SNX10: variants seen among roughly 807,000 people sequenced by gnomAD.
SNX10 encodes sorting nexin 10.
SNX10 carries 25 observed loss-of-function variants against 28.5 expected under a neutral mutation model. The observed-to-expected ratio is 0.88, with a 90% CI of 0.64 to 1.22. SNX10 has a LOEUF of 1.22. SNX10 is among the 50% of genes most tolerant of loss of function. The pLI is 0.00. For synonymous variants in SNX10, 62 were observed against 81.4 expected, an observed-to-expected ratio of 0.76 and a Z score of 1.28; for missense variants, 223 against 242.6, an observed-to-expected ratio of 0.92 and a Z score of 0.54.
At position 26,324,690 on chromosome 7, in the gene SNX10, A is replaced by G. The variant is rs946860004; in HGVS notation, c.-23-21730A>G. Reference sequence around the variant, plus strand: ...TCATAGCACTTCCAAGCACCGTTCAAATGACTGAGTGGGGAATGAAGGTGC... The same window carrying G: ...TCATAGCACTTCCAAGCACCGTTCAGATGACTGAGTGGGGAATGAAGGTGC... On this transcript the variant is annotated intron_variant, in intron 1 of 6. Coordinates refer to ENST00000338523, the MANE Select transcript of SNX10 (RefSeq NM_013322.3). Among the ~76,000 whole-genome samples the G allele has an allele frequency of 2.6e-5, 4 of 152,042 alleles. No individual in the cohort carries two copies. The East Asian group carries it at 7.7e-4, about 29-fold the overall frequency.
chr7:26,333,412 C>T (rs7788587), intron 1 of SNX10, among the ~76,000 whole-genome samples: 26,268 of 149,530 alleles, frequency 0.18, 2,675 homozygotes, highest in South Asian at 0.41. Flanking sequence ...GCAAGCTCCA[C>T]CTCCCGGGTT....
chr7:26,366,522 C>A (rs1789295984), intron 5 of SNX10, among the ~76,000 whole-genome samples: 1 of 152,150 alleles, frequency 6.6e-6, no homozygotes, highest in Admixed American at 6.5e-5. Context: ...GGACAGAGAC[C>A]TGGCCAAGTT....
chr7:26,344,301 A>G (rs1222814947), intron 1 of SNX10, among the ~76,000 whole-genome samples: 1 of 151,168 alleles, frequency 6.6e-6, no homozygotes, highest in Non-Finnish European at 1.5e-5. Context: ...CCTCCTGAGT[A>G]GCTGAGACCA....
intron 1 of SNX10, among the ~76,000 whole-genome samples, chr7:26,312,075 A>C (rs1035408866): frequency 3.9e-5 from 6 of 152,214 alleles, no homozygotes; most frequent in African/African-American, 1.4e-4. Context: ...AGAAAACAAA[A>C]GTTACTTCAA....
intron 5 of SNX10, among the ~76,000 whole-genome samples, chr7:26,371,106 T>A (rs1789513083): frequency 6.6e-6 from 1 of 152,162 alleles, no homozygotes; most frequent in Non-Finnish European, 1.5e-5. Flanking sequence ...TCTGTCTTTG[T>A]AAACTTTGAT....
At chr7:26,346,016 G>A (rs367741575) in intron 1 of SNX10, among the ~76,000 whole-genome samples, 57 of 152,256 alleles carry the variant, frequency 3.7e-4, no homozygotes, top group African/African-American at 1.3e-3. Flanking sequence ...TTGAGTTTCC[G>A]GTAAAAGCGT....
chr7:26,313,816 T>G (rs1165586627), intron 1 of SNX10, among the ~76,000 whole-genome samples: 1 of 152,170 alleles, frequency 6.6e-6, no homozygotes, highest in Non-Finnish European at 1.5e-5. Flanking sequence ...TTTTCTTTTC[T>G]TTTTCTGAGA....
intron 1 of SNX10, among the ~76,000 whole-genome samples, chr7:26,309,069 C>G (rs1368947598): frequency 7.2e-5 from 11 of 152,326 alleles, no homozygotes; most frequent in East Asian, 1.9e-4. Flanking sequence ...TTGTGATATT[C>G]TGCCAGCACA....
chr7:26,309,516 C>T (rs530072050), intron 1 of SNX10, among the ~76,000 whole-genome samples: 2 of 152,184 alleles, frequency 1.3e-5, no homozygotes, highest in East Asian at 1.9e-4. Context: ...CCAGGTCTGC[C>T]GAGTGAATGC....
chr7:26,327,888 C>T (rs1787567070), intron 1 of SNX10, among the ~76,000 whole-genome samples: 1 of 151,606 alleles, frequency 6.6e-6, no homozygotes, highest in South Asian at 2.1e-4. Flanking sequence ...TGCCACCACA[C>T]CCAGCTATTT....
chr7:26,315,295 CT>C (rs1216854832), intron 1 of SNX10, among the ~76,000 whole-genome samples: 1 of 152,144 alleles, frequency 6.6e-6, no homozygotes, highest in Admixed American at 6.5e-5. Context: ...GGAAATTTAA[CT>C]TTATACAGTA....
chr7:26,330,090 A>T (rs770330576), intron 1 of SNX10, among the ~76,000 whole-genome samples: 2 of 152,174 alleles, frequency 1.3e-5, no homozygotes, highest in Non-Finnish European at 2.9e-5. Context: ...TTTCATGGCC[A>T]GGGCTGTGGC....
intron 1 of SNX10, among the ~76,000 whole-genome samples, chr7:26,303,388 G>C (rs1335457208): frequency 6.6e-6 from 1 of 152,186 alleles, no homozygotes; most frequent in Non-Finnish European, 1.5e-5. Context: ...CTGTTTCTCT[G>C]GCTGGGGCTT....
chr7:26,339,263 T>C (rs920919731), intron 1 of SNX10, among the ~76,000 whole-genome samples: 6 of 152,200 alleles, frequency 3.9e-5, no homozygotes, highest in South Asian at 2.1e-4. Flanking sequence ...TCCTCAGTTA[T>C]AATTTTGCAA....
At chr7:26,318,963 A>G (rs1787200030) in intron 1 of SNX10, among the ~76,000 whole-genome samples, 1 of 152,204 alleles carries the variant, frequency 6.6e-6, no homozygotes. Flanking sequence ...TCACACAGCC[A>G]TGAGTGGCAT....
In SNX10 at chr7:26,341,996, C is replaced by T. The variant is rs527951218; in HGVS notation, c.-23-4424C>T. ...TTCTCTTCTTTCTCTCTCTCTCTCT[C>T]TTTCTTTCTTTCCTTCTTTCCTTTC... On this transcript the variant is annotated intron_variant, in intron 1 of 6. Transcript: ENST00000338523. 4.1e-5 allele frequency among the ~76,000 whole-genome samples: 5 copies of T among 121,128 alleles called. No homozygotes were observed. The East Asian group carries it at 2.0e-3, about 48-fold the overall frequency. 79.5% of individuals were successfully genotyped at this position (121,128 alleles called of 152,430 possible). A position where few individuals can be genotyped will look rare whatever the true frequency, so the allele number is the denominator to read the frequency against.
rs77220780 is a variant in SNX10 at position 26,341,499 on chromosome 7, A to ATTTT, written c.-23-4911_-23-4908dup. Among the ~76,000 whole-genome samples, 617 of 145,772 alleles carry ATTTT rather than the reference A, an allele frequency of 4.2e-3. 3 individuals are homozygous for ATTTT. The highest frequency in any genetic ancestry group is 0.023 in the East Asian group (115 of 4,894). On this transcript the variant is annotated intron_variant, in intron 1 of 6. Transcript: ENST00000338523. Reference sequence around the variant, plus strand: ...AGTGAGACAAGAATTCTCTATGTGCATTTTTTTTTTTTTGAGATGGAGTCT... The same window carrying ATTTT: ...AGTGAGACAAGAATTCTCTATGTGCATTTTTTTTTTTTTTTTTGAGATGGAGTCT...
chr7:26,372,320 C>G, intron 6 of SNX10, 171 bp from the exon 7 acceptor site: 1 of 624,806 alleles, frequency 1.6e-6, no homozygotes, highest in Admixed American at 2.8e-5. Context: ...TTTAAATTAT[C>G]TAGCTAAAAA....
chr7:26,342,236 A>G (rs991312753), intron 1 of SNX10, among the ~76,000 whole-genome samples: 4 of 152,098 alleles, frequency 2.6e-5, no homozygotes, highest in African/African-American at 9.7e-5. Context: ...CATGTTTGCC[A>G]GGCTGGTCTC....
Sources: allele counts gnomAD v4.1 joint callset (sites outside exome capture counted in the v4.1 genomes callset), GRCh38; gene constraint gnomAD v4.1.1; transcripts MANE v1.5; gene names NCBI Gene and HGNC (gene_info 2026-07-23, HGNC 2026-07-21).